The following TRPA1 variants were observed in gnomAD, a reference collection of about 807,000 sequenced individuals.
TRPA1 encodes the protein ankyrin-like with transmembrane domains 1.
In TRPA1, 129 loss-of-function variants were observed where a neutral mutation model predicts 131.3. The ratio of observed to expected loss-of-function variants is 0.98; its 90% CI spans 0.85 to 1.14. The LOEUF (loss-of-function observed/expected upper bound fraction) is 1.14, where lower values mean the gene tolerates loss of function less well. Ranked by LOEUF, TRPA1 falls within the 50% of genes most tolerant of loss-of-function variation. The probability of loss-of-function intolerance (pLI) is 0.00; values close to 1 mark genes in which losing one functional copy is unlikely to be tolerated. For missense variants in TRPA1, 1,304 were observed against 1,354.2 expected (o/e 0.96, Z 0.58); for synonymous variants, 441 against 451.7 (o/e 0.98, Z 0.30).
intron 14 of TRPA1, 183 bp downstream of exon 14, chr8:72,052,416 T>G (rs1805531600): frequency 1.6e-6 from 1 of 623,024 alleles, no homozygotes; most frequent in Non-Finnish European, 2.5e-6. Context: ...AGCTAGACCT[T>G]TTCTAAAAAT....
Position 72,047,153 on chromosome 8 carries a change from A to C in TRPA1, c.1960T>G (p.Tyr654Asp), listed in dbSNP as rs903692848. ...TGATGATAAAATAAACTTACATAAT[A>C]GTCTCGGCAGGACTTGTCTTCTGTG... ...HSTEDKSCRD[Y>D]YIEYNFKYLQ... Residue 654 changes from tyrosine (Y) to aspartate (D), a missense_variant, in exon 16 of 27, where the codon TAT becomes GAT. By Grantham distance (160) the Tyr-to-Asp change is radical. Coordinates refer to ENST00000262209, the MANE Select transcript of TRPA1 (RefSeq NM_007332.3). The C allele has an allele frequency of 6.2e-7, 1 of 1,605,638 alleles. No homozygotes were observed. Among genetic ancestry groups the C allele is most frequent in the African/African-American group, 1.3e-5 (1 of 74,720 alleles).
intron 6 of TRPA1, 70 bp downstream of exon 6, chr8:72,062,729 A>G: frequency 7.0e-7 from 1 of 1,437,858 alleles, no homozygotes; most frequent in Non-Finnish European, 9.8e-7. Flanking sequence ...ACTGTAAAAG[A>G]GCTATAAAGC....
At chr8:72,084,216 T>A in the TRPA1 span, among the ~76,000 whole-genome samples, 1 of 152,202 alleles carries the variant, frequency 6.6e-6, no homozygotes, top group Non-Finnish European at 1.5e-5. Flanking sequence ...GTATTTTTGA[T>A]TTTTGTATTG....
At position 72,036,360 on chromosome 8, in the gene TRPA1, G is replaced by A. The variant is rs1812051449; in HGVS notation, c.2483C>T (p.Ala828Val). 6.2e-7 allele frequency: 1 copy of A among 1,614,050 alleles called. No individual in the cohort carries two copies. The highest frequency in any genetic ancestry group is 8.5e-7 in the Non-Finnish European group (1 of 1,180,028). Residue 828 changes from alanine to valine, a missense_variant, in exon 21 of 27, where the codon GCT becomes GTT. By Grantham distance (64) the Ala-to-Val change is moderately conservative (BLOSUM62 0). Transcript: ENST00000262209. ...FVLPLFVEIP[A>V]HLQWQCGAIA... ...TGCTCCACATTGCCACTGCAGATGAGCTGGTATTTCAACAAACAAGGGCAG... is the reference window on the plus strand; with the variant it reads ...TGCTCCACATTGCCACTGCAGATGAACTGGTATTTCAACAAACAAGGGCAG...
At chr8:72,072,175 T>C (rs2129436822) in intron 1 of TRPA1, among the ~76,000 whole-genome samples, 1 of 152,332 alleles carries the variant, frequency 6.6e-6, no homozygotes, top group East Asian at 1.9e-4. Flanking sequence ...ATTCAGATAC[T>C]TGCTTCAATT....
At chr8:72,033,444 T>C (rs1811907693) in intron 23 of TRPA1, among the ~76,000 whole-genome samples, 200 bp downstream of exon 23, 1 of 152,232 alleles carries the variant, frequency 6.6e-6, no homozygotes, top group South Asian at 2.1e-4. Context: ...ATTTGCCAAG[T>C]GCATGCATCT....
chr8:72,084,669 T>C, the TRPA1 span, among the ~76,000 whole-genome samples: 5,013 of 143,782 alleles, frequency 0.035, 281 homozygotes, highest in African/African-American at 0.13. Flanking sequence ...TTTTTTTTTT[T>C]GAGACAGGGT....
intron 21 of TRPA1, among the ~76,000 whole-genome samples, chr8:72,036,005 CAA>C (rs58197251): frequency 0.082 from 3,680 of 45,104 alleles, 15 homozygotes; most frequent in Non-Finnish European, 0.11. Context: ...TCCCCCTCCA[CAA>C]AAAAAAAAAA....
chr8:72,052,884 A>C (rs1563395625), intron 13 of TRPA1, 119 bp from the exon 14 acceptor site: 1 of 1,164,124 alleles, frequency 8.6e-7, no homozygotes, highest in East Asian at 2.4e-5. Context: ...CATAGCACTT[A>C]AAACTGGTGT....
the TRPA1 span, among the ~76,000 whole-genome samples, chr8:72,087,897 C>T: frequency 6.6e-6 from 1 of 152,174 alleles, no homozygotes; most frequent in Non-Finnish European, 1.5e-5. Flanking sequence ...ATGACAGAGG[C>T]TGGCTGTGCC....
At chr8:72,077,159 G>C (rs1806203682), upstream of TRPA1, among the ~76,000 whole-genome samples, 1 of 152,114 alleles carries the variant, frequency 6.6e-6, no homozygotes, top group African/African-American at 2.4e-5. Flanking sequence ...TAGCTGGAAA[G>C]GGTCACTAAG....
intron 24 of TRPA1, among the ~76,000 whole-genome samples, chr8:72,029,548 G>A (rs752267299): frequency 6.6e-6 from 1 of 152,156 alleles, no homozygotes; most frequent in South Asian, 2.1e-4. Context: ...TTAAATAAAC[G>A]TGATGCAGAC....
Position 72,036,323 on chromosome 8 carries a change from G to T in TRPA1, c.2520C>A (p.Tyr840Ter), listed in dbSNP as rs753392383. The T allele has an allele frequency of 3.3e-5, 54 of 1,613,986 alleles. No individual in the cohort carries two copies. The Middle Eastern group carries it at 6.6e-4, about 20-fold the overall frequency. Residue 840 changes from tyrosine to a stop codon, truncating the protein, a stop_gained, in exon 21 of 27, where the codon TAC (tyrosine) becomes TAA (stop). Transcript: ENST00000262209. LOFTEE classifies it high-confidence loss of function. ...ACAATAAGAAATTCATCCAATAGAA[G>T]TAAACAGCAATTGCTCCACATTGCC... ...LQWQCGAIAV[Y>*]FYWMNFLLYL...
chr8:72,037,959 A>G (rs1301250059), intron 20 of TRPA1, 24 bp downstream of exon 20: 13 of 1,370,792 alleles, frequency 9.5e-6, no homozygotes, highest in Non-Finnish European at 1.2e-5. Flanking sequence ...GTGCAACTTT[A>G]GAGATACAAA....
chr8:72,044,838 G>A (rs906599413), intron 17 of TRPA1, among the ~76,000 whole-genome samples: 6 of 151,834 alleles, frequency 4.0e-5, no homozygotes, highest in African/African-American at 9.7e-5. Flanking sequence ...GCAGAATCAG[G>A]TGCTGTTTTG....
chr8:72,028,628 A>G (rs71525149), intron 24 of TRPA1, among the ~76,000 whole-genome samples: 9,987 of 152,290 alleles, frequency 0.066, 482 homozygotes, highest in Middle Eastern at 0.11. Flanking sequence ...GTCATAGAAC[A>G]TAGAATTTAT....
chr8:72,070,317 T>C (rs945998757), intron 2 of TRPA1, among the ~76,000 whole-genome samples: 1 of 151,966 alleles, frequency 6.6e-6, no homozygotes, highest in South Asian at 2.1e-4. Flanking sequence ...AGTGTTTCAT[T>C]CTAAACAATA....
At chr8:72,052,995 GAGAGA>G in intron 13 of TRPA1, 2 of 351,404 alleles carry the variant, frequency 5.7e-6, no homozygotes, top group Non-Finnish European at 5.2e-6. Context: ...GTGTGTGTGT[GAGAGA>G]TAGAGAAAGA....
upstream of TRPA1, chr8:72,076,494 A>G (rs1430956653): frequency 2.0e-5 from 3 of 152,300 alleles, no homozygotes; most frequent in Non-Finnish European, 4.4e-5. Context: ...GACAGAATGT[A>G]GCTTTGACAG....
Sources: gnomAD v4.1 joint callset for allele counts (sites outside exome capture counted in the v4.1 genomes callset) on GRCh38, gnomAD v4.1.1 for gene constraint, MANE v1.5 for transcripts, NCBI Gene and HGNC (gene_info 2026-07-23, HGNC 2026-07-21) for gene names.